Variants in NUP155 observed in about 807,000 individuals in gnomAD.
NUP155 encodes nucleoporin 155.
NUP155 carries 71 observed loss-of-function variants against 180.4 expected under a neutral mutation model. The observed-to-expected ratio is 0.39, with a 90% CI of 0.33 to 0.48. The LOEUF (loss-of-function observed/expected upper bound fraction) is 0.48, where lower values mean the gene tolerates loss of function less well. NUP155 is among the 20% of genes least tolerant of loss of function. The pLI is 0.91. For missense variants in NUP155, 1,553 were observed against 1,648.9 expected, an observed-to-expected ratio of 0.94 and a Z score of 1.01; for synonymous variants, 582 against 559.5, an observed-to-expected ratio of 1.04 and a Z score of -0.57.
intron 3 of NUP155, among the ~76,000 whole-genome samples, chr5:37,362,631 T>C (rs781382357): frequency 6.6e-6 from 1 of 152,144 alleles, no homozygotes; most frequent in Non-Finnish European, 1.5e-5. Context: ...CATTTATCTG[T>C]TCTGTAATAT....
intron 20 of NUP155, among the ~76,000 whole-genome samples, chr5:37,319,958 G>A (rs1020263398): frequency 6.6e-6 from 1 of 152,072 alleles, no homozygotes; most frequent in African/African-American, 2.4e-5. Context: ...TAAGGAGGGA[G>A]CATAACTTGA....
At chr5:37,351,941 G>A (rs1746492671) in intron 5 of NUP155, among the ~76,000 whole-genome samples, 1 of 152,122 alleles carries the variant, frequency 6.6e-6, no homozygotes, top group South Asian at 2.1e-4. Flanking sequence ...AAACTAACCC[G>A]GCCGGGTGCC....
intron 29 of NUP155, among the ~76,000 whole-genome samples, chr5:37,302,442 G>A (rs1038844000): frequency 1.3e-5 from 2 of 152,080 alleles, no homozygotes; most frequent in Non-Finnish European, 2.9e-5. Flanking sequence ...CGCCATATTG[G>A]CCAGGCTGGT....
At chr5:37,366,609 T>C (rs1466409656) in intron 1 of NUP155, among the ~76,000 whole-genome samples, 1 of 151,720 alleles carries the variant, frequency 6.6e-6, no homozygotes, top group Non-Finnish European at 1.5e-5. Flanking sequence ...CAGCTAATTT[T>C]TGTAGTTTTA....
chr5:37,343,556 G>A (rs1445296832), intron 9 of NUP155, among the ~76,000 whole-genome samples: 1 of 152,016 alleles, frequency 6.6e-6, no homozygotes, highest in Non-Finnish European at 1.5e-5. Flanking sequence ...GGTTGGTGGG[G>A]AGCAGTGTTC....
At chr5:37,360,786 A>AAG (rs1491253225) in intron 3 of NUP155, among the ~76,000 whole-genome samples, 27 of 131,808 alleles carry the variant, frequency 2.0e-4, no homozygotes, top group African/African-American at 7.1e-4. Context: ...ATAAAAAAAA[A>AAG]GGGGGGGGGG....
intron 21 of NUP155, among the ~76,000 whole-genome samples, chr5:37,316,212 TG>T (rs1433802171): frequency 6.6e-6 from 1 of 152,164 alleles, no homozygotes; most frequent in African/African-American, 2.4e-5. Context: ...TGTGCACATA[TG>T]CACATATACA....
Position 37,291,693 on chromosome 5 carries a change from G to T in NUP155, c.*207C>A, listed in dbSNP as rs538871345. The T allele has an allele frequency of 4.4e-6, 2 of 456,214 alleles. No individual in the cohort carries two copies. The highest frequency in any genetic ancestry group is 3.7e-5 in the East Asian group (1 of 26,920). The allele number at this position is 456,214 out of a possible 1,614,324, so 28.3% of individuals were successfully genotyped here. A position where few individuals can be genotyped will look rare whatever the true frequency, so the allele number is the denominator to read the frequency against. ...AATAATAAATAATCTCATTTCAGTTGTTTTTTCACCCAATTACTAAAAAAC... is the reference window on the plus strand; with the variant it reads ...AATAATAAATAATCTCATTTCAGTTTTTTTTTCACCCAATTACTAAAAAAC... On this transcript the variant is annotated 3_prime_UTR_variant, in exon 35 of 35. Transcript: ENST00000231498.
chr5:37,334,338 T>C (rs951302457), intron 12 of NUP155, among the ~76,000 whole-genome samples: 5 of 151,896 alleles, frequency 3.3e-5, no homozygotes, highest in Non-Finnish European at 7.4e-5. Context: ...CCTGGGCTCA[T>C]GCAGTCTGCC....
chr5:37,351,134 A>G, intron 6 of NUP155, 56 bp downstream of exon 6: 2 of 1,338,970 alleles, frequency 1.5e-6, no homozygotes, highest in Non-Finnish European at 2.1e-6. Flanking sequence ...ATAAAGGCTT[A>G]TCTTTCCCTA....
At chr5:37,353,146 G>A (rs932565162) in intron 4 of NUP155, among the ~76,000 whole-genome samples, 4 of 151,806 alleles carry the variant, frequency 2.6e-5, no homozygotes, top group African/African-American at 9.7e-5. Flanking sequence ...TTAAAATATA[G>A]AGATGTATAT....
intron 3 of NUP155, among the ~76,000 whole-genome samples, chr5:37,361,133 G>C (rs1368817272): frequency 2.6e-5 from 4 of 151,758 alleles, no homozygotes; most frequent in African/African-American, 9.7e-5. Flanking sequence ...GCCAGGTGTG[G>C]TGGCCCATAC....
intron 3 of NUP155, among the ~76,000 whole-genome samples, chr5:37,361,919 T>G (rs1386564010): frequency 6.6e-6 from 1 of 152,160 alleles, no homozygotes; most frequent in Non-Finnish European, 1.5e-5. Flanking sequence ...GTATATCTCA[T>G]GAATGGGATT....
chr5:37,296,764 G>A (rs1423482878), intron 32 of NUP155, among the ~76,000 whole-genome samples: 2 of 152,168 alleles, frequency 1.3e-5, no homozygotes, highest in Admixed American at 1.3e-4. Flanking sequence ...ACTGCATCCT[G>A]ATTTCAGAAA....
Position 37,351,374 on chromosome 5 carries a change from C to G in NUP155, c.557-18G>C, listed in dbSNP as rs768050540. ...TCCAGAACCTATTTAAGAAAGAATA[C>G]ATAAATCAGTTTATTAGCTACTCCA... is the stretch of plus-strand genomic sequence containing the variant. On this transcript the variant is annotated intron_variant, in intron 5 of 34. Coordinates refer to ENST00000231498, the MANE Select transcript of NUP155 (RefSeq NM_153485.3). 3 of 1,583,380 alleles carry G rather than the reference C, an allele frequency of 1.9e-6. No individual in the cohort carries two copies. The highest frequency in any genetic ancestry group is 2.2e-5 in the East Asian group (1 of 44,638).
At chr5:37,369,516 TAA>T (rs1747823678) in intron 1 of NUP155, among the ~76,000 whole-genome samples, 1 of 152,168 alleles carries the variant, frequency 6.6e-6, no homozygotes, top group Non-Finnish European at 1.5e-5. Context: ...ATGAGATATG[TAA>T]GAGAAGGACC....
intron 1 of NUP155, among the ~76,000 whole-genome samples, chr5:37,366,880 G>A (rs1410444170): frequency 1.3e-5 from 2 of 151,878 alleles, no homozygotes; most frequent in Non-Finnish European, 2.9e-5. Flanking sequence ...TCGATCTCCC[G>A]ACCTCGTGAT....
rs1298360505 is a variant in NUP155, at chr5:37,324,020, A to T, written c.2179T>A (p.Phe727Ile). The T allele has an allele frequency of 6.2e-7, 1 of 1,612,554 alleles. No individual in the cohort carries two copies. Among genetic ancestry groups the T allele is most frequent in the Non-Finnish European group, 8.5e-7 (1 of 1,178,638 alleles). Residue 727 changes from phenylalanine to isoleucine, a missense_variant, in exon 20 of 35, where the codon TTT becomes ATT. Transcript: ENST00000231498. ...LQEFLDRNSQ[F>I]AGGPLGNPNT... The stretch of plus-strand genomic sequence containing the variant: ...GGATTTCCTAATGGTCCTCCTGCAA[A>T]CTGGGAGTTTCTGTCTAGAAATTCC...
In NUP155 at chr5:37,295,685, G is replaced by A. The variant is rs1470619644; in HGVS notation, c.3794-1220C>T. ...ACCCATCATCTGAGATGTGGGGAGC[G>A]CCTCTGCCCTGTCGCCCCGTCCGGG... On this transcript the variant is annotated intron_variant, in intron 32 of 34. Coordinates refer to ENST00000231498, the MANE Select transcript of NUP155 (RefSeq NM_153485.3). 1.1e-4 allele frequency among the ~76,000 whole-genome samples: 16 copies of A among 150,182 alleles called. No individual in the cohort carries two copies. In the East Asian group the frequency reaches 1.4e-3, roughly 13 times the overall value.
Sources: gnomAD v4.1 joint callset for allele counts (sites outside exome capture counted in the v4.1 genomes callset) on GRCh38, gnomAD v4.1.1 for gene constraint, MANE v1.5 for transcripts, NCBI Gene and HGNC (gene_info 2026-07-23, HGNC 2026-07-21) for gene names.